The following NECTIN1 variants were observed in gnomAD, a reference collection of about 807,000 sequenced individuals.
The protein encoded by NECTIN1 is nectin-1.
In NECTIN1, 23 loss-of-function variants were observed where a neutral mutation model predicts 48.0. That is an observed-to-expected ratio of 0.48 (90% CI 0.34 to 0.68). The LOEUF is 0.68. Among genes scored for constraint, NECTIN1 ranks in the 30% least tolerant of loss-of-function variants. The pLI, the probability that NECTIN1 is intolerant of heterozygous loss-of-function variation, is 0.01. For missense variants in NECTIN1, 591 were observed against 709.9 expected (o/e 0.83, Z 1.90); for synonymous variants, 270 against 288.9 (o/e 0.93, Z 0.66).
At chr11:119,647,987 C>T (rs1445300283) in intron 5 of NECTIN1, among the ~76,000 whole-genome samples, 2 of 141,324 alleles carry the variant, frequency 1.4e-5, no homozygotes, top group Admixed American at 7.7e-5. Context: ...TCACTTGAAC[C>T]TGGGAGGCGG....
Position 119,638,376 on chromosome 11 carries a change from G to C in NECTIN1, c.1228-129C>G, listed in dbSNP as rs183005346. 90 of 1,246,412 alleles carry C rather than the reference G, an allele frequency of 7.2e-5. No individual in the cohort carries two copies. In the Admixed American group the frequency reaches 1.4e-3, roughly 19 times the overall value. 77.2% of individuals were successfully genotyped at this position (1,246,412 alleles called of 1,614,324 possible). On this transcript the variant is annotated intron_variant, in intron 7 of 7. Coordinates refer to the NECTIN1 transcript ENST00000341398. ...CCCCCATTCTGGCATCCCCCACACT[G>C]GTGACTGTCTTGGAGGGCACAAGTG...
At chr11:119,726,142 A>AC (rs1485224995) in intron 1 of NECTIN1, among the ~76,000 whole-genome samples, 1 of 151,904 alleles carries the variant, frequency 6.6e-6, no homozygotes. Context: ...CTCTCCTCAA[A>AC]CCCCCAGACC....
In NECTIN1 at chr11:119,678,566, G is replaced by A. The variant is rs1865003346; in HGVS notation, c.279C>T (p.Tyr93=). 1.2e-6 allele frequency: 2 copies of A among 1,614,100 alleles called. No homozygotes were observed. The highest frequency in any genetic ancestry group is 1.7e-6 in the Non-Finnish European group (2 of 1,180,056). ...GCCGCAGGAATTCCACACGCTCGCG[G>A]TAGGGAGCCAGCACGGACACGCCCA... The part of the protein sequence containing the change: ...PSMGVSVLAP[Y]RERVEFLRPS... Residue 93 remains tyrosine (Y), a synonymous_variant, in exon 2 of 6, where the codon TAC becomes TAT. Transcript: ENST00000264025. This position sits in a 1 kb window ranked among gnomAD's most constrained non-coding sequence, Gnocchi z 4.4.
chr11:119,661,821 G>C lies in NECTIN1; in HGVS notation c.*2926C>G, dbSNP rs915042754. 1.0e-6 allele frequency: 1 copy of C among 985,406 alleles called. No individual in the cohort carries two copies. Among genetic ancestry groups the C allele is most frequent in the Non-Finnish European group, 1.2e-6 (1 of 829,938 alleles). The allele number at this position is 985,406 out of a possible 1,614,324, so 61.0% of individuals were successfully genotyped here. On this transcript the variant is annotated 3_prime_UTR_variant, in exon 6 of 6. Coordinates refer to ENST00000264025, the MANE Select transcript of NECTIN1 (RefSeq NM_002855.5). ...CACATCTGTGCTGAGTGGCCATCTG[G>C]CTGTGCATGCATGCGTGTGTACATG...
intron 1 of NECTIN1, among the ~76,000 whole-genome samples, chr11:119,680,882 G>T (rs879573610): frequency 6.6e-6 from 1 of 152,248 alleles, no homozygotes; most frequent in South Asian, 2.1e-4. Context: ...AATACGATGG[G>T]AGAAGTATCC....
Position 119,677,981 on chromosome 11 carries a change from G to A in NECTIN1, c.431-124C>T, listed in dbSNP as rs906884633. ...TCCCCTTGGCCATCCCTGCCTCTCA[G>A]CTGTGCTGCACCAAAGACTGTCCCA... On this transcript the variant is annotated intron_variant, in intron 2 of 5. Coordinates refer to ENST00000264025, the MANE Select transcript of NECTIN1 (RefSeq NM_002855.5). The surrounding 1 kb of genome is among the most constrained non-coding windows in gnomAD (Gnocchi z 5.4). 4 of 959,314 alleles carry A rather than the reference G, an allele frequency of 4.2e-6. No individual in the cohort carries two copies. Among genetic ancestry groups the A allele is most frequent in the Middle Eastern group, 2.1e-4 (1 of 4,718 alleles). The allele number at this position is 959,314 out of a possible 1,614,324, so 59.4% of individuals were successfully genotyped here.
intron 1 of NECTIN1, among the ~76,000 whole-genome samples, chr11:119,715,284 T>C (rs1421190455): frequency 6.6e-6 from 1 of 152,208 alleles, no homozygotes; most frequent in African/African-American, 2.4e-5. Flanking sequence ...TACCTTCAGC[T>C]GCAGGCCCAG....
chr11:119,677,962 T>C lies in NECTIN1; in HGVS notation c.431-105A>G, dbSNP rs1864989098. 8.9e-7 allele frequency: 1 copy of C among 1,123,568 alleles called. No homozygotes were observed. Among genetic ancestry groups the C allele is most frequent in the Non-Finnish European group, 1.3e-6 (1 of 761,278 alleles). 69.6% of individuals were successfully genotyped at this position (1,123,568 alleles called of 1,614,324 possible). A position where few individuals can be genotyped will look rare whatever the true frequency, so the allele number is the denominator to read the frequency against. ...GTCAGGCCTTGTCTTCAGGTCCCCT[T>C]GGCCATCCCTGCCTCTCAGCTGTGC... On this transcript the variant is annotated intron_variant, in intron 2 of 5. Transcript: ENST00000264025. This position sits in a 1 kb window ranked among gnomAD's most constrained non-coding sequence, Gnocchi z 5.4.
At chr11:119,656,669 C>T (rs1864578637), downstream of NECTIN1, among the ~76,000 whole-genome samples, 1 of 152,148 alleles carries the variant, frequency 6.6e-6, no homozygotes, top group African/African-American at 2.4e-5. Context: ...TCTTTACTCA[C>T]TGTGGAATGG....
In NECTIN1 at chr11:119,678,805, C is replaced by T. The variant is rs1369105074; in HGVS notation, c.80-40G>A. ...GGCAGCAAGTGGTCAGTGTCAGGCA[C>T]AGCCTCCCCCCACCCACACAGTTCC... On this transcript the variant is annotated intron_variant, in intron 1 of 5. Transcript: ENST00000264025. This position sits in a 1 kb window ranked among gnomAD's most constrained non-coding sequence, Gnocchi z 4.4. The T allele has an allele frequency of 7.8e-6, 11 of 1,402,286 alleles. No individual in the cohort carries two copies. The highest frequency in any genetic ancestry group is 2.4e-5 in the South Asian group (2 of 82,392). 86.9% of individuals were successfully genotyped at this position (1,402,286 alleles called of 1,614,324 possible).
chr11:119,643,599 AG>A (rs894910327), intron 5 of NECTIN1, among the ~76,000 whole-genome samples: 2 of 152,056 alleles, frequency 1.3e-5, no homozygotes, highest in Non-Finnish European at 2.9e-5. Flanking sequence ...CTCCCTGAAT[AG>A]GGGGGCCCTG....
rs868732273 is a variant in NECTIN1, at chr11:119,709,370, C to A, written c.79+19105G>T. On this transcript the variant is annotated intron_variant, in intron 1 of 5. Coordinates refer to ENST00000264025, the MANE Select transcript of NECTIN1 (RefSeq NM_002855.5). This position sits in a 1 kb window ranked among gnomAD's most constrained non-coding sequence, Gnocchi z 4.1. ...CCGGGCCCAGGGCGCCTCTGTCTGC[C>A]ACGCACTTGCCTGGGCCACTCTGCT... 3.1e-4 allele frequency among the ~76,000 whole-genome samples: 47 copies of A among 152,240 alleles called. No individual in the cohort carries two copies. Among genetic ancestry groups the A allele is most frequent in the Middle Eastern group, 6.8e-3 (2 of 294 alleles).
At chr11:119,639,062 A>G (rs1423068920) in intron 6 of NECTIN1, among the ~76,000 whole-genome samples, 1 of 152,168 alleles carries the variant, frequency 6.6e-6, no homozygotes, top group South Asian at 2.1e-4. Flanking sequence ...GATGGGAACC[A>G]TGTGAGTCTC....
Position 119,664,051 on chromosome 11 carries a change from G to A in NECTIN1, c.*696C>T. 2 of 985,692 alleles carry A rather than the reference G, an allele frequency of 2.0e-6. No individual in the cohort carries two copies. Among genetic ancestry groups the A allele is most frequent in the Non-Finnish European group, 2.4e-6 (2 of 830,148 alleles). 61.1% of individuals were successfully genotyped at this position (985,692 alleles called of 1,614,324 possible). On this transcript the variant is annotated 3_prime_UTR_variant, in exon 6 of 6. Transcript: ENST00000264025. ...GGGGGCACATTGGGGATAAAGAGGG[G>A]ACGCGTCAGAGCTAGGCCAACTCCA...
In NECTIN1 at chr11:119,683,025, C is replaced by T. The variant is rs889379661; in HGVS notation, c.80-4260G>A. Among the ~76,000 whole-genome samples the T allele has an allele frequency of 1.3e-5, 2 of 152,126 alleles. No individual in the cohort carries two copies. The highest frequency in any genetic ancestry group is 2.9e-5 in the Non-Finnish European group (2 of 68,034). On this transcript the variant is annotated intron_variant, in intron 1 of 5. Coordinates refer to ENST00000264025, the MANE Select transcript of NECTIN1 (RefSeq NM_002855.5). This position sits in a 1 kb window ranked among gnomAD's most constrained non-coding sequence, Gnocchi z 4.0. ...GCCTGTCTCCCAACCAATTGTAAGC[C>T]CCTGCAGGAGATGAAAGGAGCAGGC...
chr11:119,648,283 G>GTGATGC (rs1406257396), intron 5 of NECTIN1, among the ~76,000 whole-genome samples: 6 of 11,270 alleles, frequency 5.3e-4, no homozygotes, highest in African/African-American at 1.7e-3. Flanking sequence ...GGTGATGGTG[G>GTGATGC]TGGTGATGGT....
chr11:119,704,219 GT>G (rs1338467849), intron 1 of NECTIN1, among the ~76,000 whole-genome samples: 2 of 151,652 alleles, frequency 1.3e-5, no homozygotes, highest in African/African-American at 4.8e-5. Context: ...CCACCCCAGT[GT>G]TTCCTTTTTT....
chr11:119,654,973 G>A (rs1342361748), intron 5 of NECTIN1, among the ~76,000 whole-genome samples: 1 of 151,426 alleles, frequency 6.6e-6, no homozygotes, highest in African/African-American at 2.4e-5. Context: ...GCAATGGTGC[G>A]ACCTCGGTCC....
rs1045265824 is a variant in NECTIN1 at position 119,696,457 on chromosome 11, G to A, written c.80-17692C>T. Reference sequence around the variant, plus strand: ...CCTGGGGTGGGGTTGGAGGAGGGAGGGAAGCTGAAGAAGCAGGTCAAAGCA... The same window carrying A: ...CCTGGGGTGGGGTTGGAGGAGGGAGAGAAGCTGAAGAAGCAGGTCAAAGCA... On this transcript the variant is annotated intron_variant, in intron 1 of 5. Coordinates refer to ENST00000264025, the MANE Select transcript of NECTIN1 (RefSeq NM_002855.5). Among the ~76,000 whole-genome samples the A allele has an allele frequency of 6.6e-5, 10 of 152,306 alleles. 1 individual carries two copies. The Middle Eastern group carries it at 0.01, about 155-fold the overall frequency.
Sources: allele counts gnomAD v4.1 joint callset (sites outside exome capture counted in the v4.1 genomes callset), GRCh38; gene constraint gnomAD v4.1.1; non-coding constraint Gnocchi (gnomAD v3.1); transcripts MANE v1.5; gene names NCBI Gene and HGNC (gene_info 2026-07-23, HGNC 2026-07-21).